The following ZNF551 variants were observed in gnomAD, a reference collection of about 807,000 sequenced individuals.
ZNF551 encodes zinc finger protein 551.
ZNF551 carries 5 observed loss-of-function variants against 7.9 expected under a neutral mutation model. The observed-to-expected ratio is 0.63, with a 90% confidence interval of 0.33 to 1.33. ZNF551 has a LOEUF of 1.33. ZNF551 is among the 40% of genes most tolerant of loss of function. The pLI is 0.05. For missense variants in ZNF551, 788 were observed against 825.2 expected, an observed-to-expected ratio of 0.95 and a Z score of 0.55; for synonymous variants, 287 against 277.3, an observed-to-expected ratio of 1.03 and a Z score of -0.35.
Position 57,686,706 on chromosome 19 carries a change from G to GT in ZNF551, c.432dup (p.Ala145CysfsTer2). 1 of 1,614,208 alleles carries GT rather than the reference G, an allele frequency of 6.2e-7. No homozygotes were observed. The highest frequency in any genetic ancestry group is 8.5e-7 in the Non-Finnish European group (1 of 1,180,046). On this transcript the variant is annotated frameshift_variant, in exon 3 of 3. Coordinates refer to ENST00000282296, the MANE Select transcript of ZNF551 (RefSeq NM_138347.5). LOFTEE classifies it low-confidence loss of function (END_TRUNC). ...ACAAGCATGAGAGGCTTCTGCTTCAGTGCTGACCTTCACCAGCATCAAAAG... is the reference window on the plus strand; with the variant it reads ...ACAAGCATGAGAGGCTTCTGCTTCAGTTGCTGACCTTCACCAGCATCAAAAG...
At chr19:57,686,422 A>T in intron 2 of ZNF551, 59 bp from the exon 3 acceptor site, 2 of 1,566,700 alleles carry the variant, frequency 1.3e-6, no homozygotes, top group Admixed American at 1.8e-5. Flanking sequence ...TTTTTGTGAT[A>T]CATCTTTCTC....
In ZNF551 at chr19:57,685,783, G is replaced by C. The variant is rs146281047; in HGVS notation, c.205+398G>C. On this transcript the variant is annotated intron_variant, in intron 2 of 2. Coordinates refer to ENST00000282296, the MANE Select transcript of ZNF551 (RefSeq NM_138347.5). ...GAGAGCCCTAGTTGCTTCACAGAGT[G>C]AACAAAGCAAGATGGTCTCAGAGGA... Among the ~76,000 whole-genome samples, 14 of 152,236 alleles carry C rather than the reference G, an allele frequency of 9.2e-5. No individual in the cohort carries two copies. In the East Asian group the frequency reaches 2.7e-3, roughly 29 times the overall value.
In ZNF551 at chr19:57,682,141, G is replaced by A. The variant is rs1160732776; in HGVS notation, c.-23G>A. The A allele has an allele frequency of 1.3e-6, 2 of 1,539,902 alleles. No individual in the cohort carries two copies. The highest frequency in any genetic ancestry group is 1.8e-6 in the Non-Finnish European group (2 of 1,141,856). Reference sequence around the variant, plus strand: ...ACCTCGGGTGAGCTGCGCCAGGCCCGGGATAGGGACTGTTGTGTTCGAATG... The same window carrying A: ...ACCTCGGGTGAGCTGCGCCAGGCCCAGGATAGGGACTGTTGTGTTCGAATG... On this transcript the variant is annotated 5_prime_UTR_variant, in exon 1 of 3. Transcript: ENST00000282296.
chr19:57,682,185 C>A lies in ZNF551; in HGVS notation c.22C>A (p.Arg8Ser). 6.5e-7 allele frequency: 1 copy of A among 1,549,594 alleles called. No individual in the cohort carries two copies. Among genetic ancestry groups the A allele is most frequent in the Non-Finnish European group, 8.7e-7 (1 of 1,146,832 alleles). The change falls in exon 1 of 3, where the codon CGC (arginine) becomes AGC (serine). Residue 8 changes from arginine (R) to serine (S), a missense_variant. Arg to Ser is a moderately radical substitution (Grantham distance 110, BLOSUM62 -1). Transcript: ENST00000282296. ...TCGAATGCCCGCCCCGGTCGGCCGC[C>A]GCTCCCCGCCTAGTCCACGGAGCTC... MPAPVGR[R>S]SPPSPRSSMA...
At position 57,688,697 on chromosome 19, in the gene ZNF551, ATC is replaced by A. The variant is rs1323675364; in HGVS notation, c.*411_*412del. On this transcript the variant is annotated 3_prime_UTR_variant, in exon 3 of 3. Transcript: ENST00000282296. The stretch of plus-strand genomic sequence containing the variant: ...ACCTGACCCAGTTGTGGTCCAGAGA[ATC>A]TGAGTTGTGCTGTCAGCTTTCTAAG... The A allele has an allele frequency of 5.8e-6, 1 of 173,862 alleles. No individual in the cohort carries two copies. Among genetic ancestry groups the A allele is most frequent in the African/African-American group, 2.4e-5 (1 of 42,226 alleles). The allele number at this position is 173,862 out of a possible 1,614,324, so 10.8% of individuals were successfully genotyped here.
rs771960435 is a variant in ZNF551 at position 57,682,258 on chromosome 19, C to T, written c.81+14C>T. The T allele has an allele frequency of 3.2e-6, 5 of 1,549,266 alleles. No individual in the cohort carries two copies. The highest frequency in any genetic ancestry group is 1.2e-5 in the South Asian group (1 of 83,964). ...GACTCGGCTCAGGTGAGTTGTGCGT[C>T]CTCCGGGTCTCGCCTACCTCCCCCA... On this transcript the variant is annotated intron_variant, in intron 1 of 2. Transcript: ENST00000282296.
Position 57,682,264 on chromosome 19 carries a change from G to A in ZNF551, c.81+20G>A, listed in dbSNP as rs1201472207. ...GCTCAGGTGAGTTGTGCGTCCTCCG[G>A]GTCTCGCCTACCTCCCCCAGCAGAA... On this transcript the variant is annotated intron_variant, in intron 1 of 2. Coordinates refer to ENST00000282296, the MANE Select transcript of ZNF551 (RefSeq NM_138347.5). 1.9e-6 allele frequency: 3 copies of A among 1,548,722 alleles called. No individual in the cohort carries two copies. Among genetic ancestry groups the A allele is most frequent in the Non-Finnish European group, 2.6e-6 (3 of 1,145,816 alleles).
At chr19:57,683,833 TAGAC>T (rs1248202312) in intron 1 of ZNF551, among the ~76,000 whole-genome samples, 2 of 151,968 alleles carry the variant, frequency 1.3e-5, no homozygotes, top group African/African-American at 4.8e-5. Flanking sequence ...GCATAGGAGT[TAGAC>T]AGGATGATGC....
Position 57,685,356 on chromosome 19 carries a change from T to A in ZNF551, c.176T>A (p.Leu59Gln), listed in dbSNP as rs765367524. 4.9e-5 allele frequency: 79 copies of A among 1,614,048 alleles called. No individual in the cohort carries two copies. The highest frequency in any genetic ancestry group is 6.6e-5 in the Non-Finnish European group (78 of 1,179,996). ...SQRFLYCDVM[L>Q]ENFAHVTSLG... ...AGGTTCCTGTACTGCGATGTGATGC[T>A]GGAGAACTTTGCACATGTAACATCC... Residue 59 changes from leucine to glutamine, a missense_variant, in exon 2 of 3, where the codon CTG becomes CAG. Physicochemically the swap from Leu to Gln is moderately radical, Grantham distance 113 (BLOSUM62 -2). Transcript: ENST00000282296.
chr19:57,687,220 C>G lies in ZNF551; in HGVS notation c.945C>G (p.Ala315=). Reference sequence around the variant, plus strand: ...ATGAATGCAGTGATCGTGAGAAAGCCTTTATCCATAAATCTGAATTCATTC... The same window carrying G: ...ATGAATGCAGTGATCGTGAGAAAGCGTTTATCCATAAATCTGAATTCATTC... The part of the protein sequence containing the change: ...RPYECSDREK[A]FIHKSEFIHH... Residue 315 remains alanine, a synonymous_variant, in exon 3 of 3, where the codon GCC becomes GCG. Coordinates refer to ENST00000282296, the MANE Select transcript of ZNF551 (RefSeq NM_138347.5). 3.7e-6 allele frequency: 6 copies of G among 1,614,046 alleles called. No individual in the cohort carries two copies. Among genetic ancestry groups the G allele is most frequent in the Non-Finnish European group, 5.1e-6 (6 of 1,179,998 alleles).
At position 57,685,280 on chromosome 19, in the gene ZNF551, G is replaced by C. The variant is rs1312524925; in HGVS notation, c.100G>C (p.Val34Leu). 3.1e-6 allele frequency: 5 copies of C among 1,614,108 alleles called. No homozygotes were observed. The highest frequency in any genetic ancestry group is 4.2e-6 in the Non-Finnish European group (5 of 1,179,986). Residue 34 changes from valine to leucine, a missense_variant, in exon 2 of 3, where the codon GTG becomes CTG. Coordinates refer to ENST00000282296, the MANE Select transcript of ZNF551 (RefSeq NM_138347.5). ...GTGACAGGGTATGACCTTTGAGGATGTGGCCATTTATTTCTCCCAAGAAGA... is the reference window on the plus strand; with the variant it reads ...GTGACAGGGTATGACCTTTGAGGATCTGGCCATTTATTTCTCCCAAGAAGA... Reference protein sequence around the residue: ...DSAQGMTFEDVAIYFSQEEWE... With the variant: ...DSAQGMTFEDLAIYFSQEEWE...
At position 57,687,083 on chromosome 19, in the gene ZNF551, C is replaced by G. The variant is rs1219184038; in HGVS notation, c.808C>G (p.Gln270Glu). 2 of 1,614,220 alleles carry G rather than the reference C, an allele frequency of 1.2e-6. No individual in the cohort carries two copies. The highest frequency in any genetic ancestry group is 2.2e-5 in the South Asian group (2 of 91,082). The change falls in exon 3 of 3, where the codon CAG becomes GAG. Residue 270 changes from glutamine (Q) to glutamate (E), a missense_variant. Physicochemically the swap from Gln to Glu is conservative, Grantham distance 29. Coordinates refer to ENST00000282296, the MANE Select transcript of ZNF551 (RefSeq NM_138347.5). ...FTCKNTLVQH[Q>E]QIHTGQKMFE... ...TTGCAAGAACACACTTGTTCAGCAC[C>G]AGCAAATTCACACTGGACAAAAGAT...
Position 57,686,523 on chromosome 19 carries a change from A to G in ZNF551, c.248A>G (p.Gln83Arg), listed in dbSNP as rs148726000. The change falls in exon 3 of 3, where the codon CAG (glutamine) becomes CGG (arginine). Residue 83 changes from glutamine to arginine, a missense_variant. By Grantham distance (43) the Gln-to-Arg change is conservative. Transcript: ENST00000282296. ...GAGAATGAGGCGATAGCTTCTGAGC[A>G]GAGTGTATCTATACAGGTCAGGACT... Reference protein sequence around the residue: ...GMENEAIASEQSVSIQVRTSK... With the variant: ...GMENEAIASERSVSIQVRTSK... The G allele has an allele frequency of 1.2e-6, 2 of 1,613,820 alleles. No homozygotes were observed. Among genetic ancestry groups the G allele is most frequent in the Non-Finnish European group, 1.7e-6 (2 of 1,179,812 alleles).
chr19:57,687,696 C>T lies in ZNF551; in HGVS notation c.1421C>T (p.Pro474Leu), dbSNP rs1984621327. 1.2e-6 allele frequency: 2 copies of T among 1,614,124 alleles called. No individual in the cohort carries two copies. Among genetic ancestry groups the T allele is most frequent in the Non-Finnish European group, 1.7e-6 (2 of 1,180,022 alleles). Reference sequence around the variant, plus strand: ...CGCAGCATTCACACTGGTGATAGGCCTTATGAGTGCAGTGAATGTGAGAAA... The same window carrying T: ...CGCAGCATTCACACTGGTGATAGGCTTTATGAGTGCAGTGAATGTGAGAAA... ...RHRSIHTGDR[P>L]YECSECEKSF... Residue 474 changes from proline (P) to leucine (L), a missense_variant, in exon 3 of 3, where the codon CCT becomes CTT. By Grantham distance (98) the Pro-to-Leu change is moderately conservative. Transcript: ENST00000282296.
Position 57,684,996 on chromosome 19 carries a change from C to T in ZNF551, c.82-266C>T, listed in dbSNP as rs148514117. 2.2e-3 allele frequency among the ~76,000 whole-genome samples: 329 copies of T among 152,276 alleles called. 6 individuals are homozygous for T. Among genetic ancestry groups the T allele is most frequent in the African/African-American group, 7.6e-3 (316 of 41,546 alleles). On this transcript the variant is annotated intron_variant, in intron 1 of 2. Coordinates refer to ENST00000282296, the MANE Select transcript of ZNF551 (RefSeq NM_138347.5). The stretch of plus-strand genomic sequence containing the variant: ...ACACCCTGTCTATGGCCAGTTCTCT[C>T]TCTAGCTGGTGTTTGTGAGTAACGA...
chr19:57,682,917 T>C (rs1984436755), intron 1 of ZNF551, among the ~76,000 whole-genome samples: 1 of 152,168 alleles, frequency 6.6e-6, no homozygotes. Context: ...ATGTAGAAGG[T>C]TGTCCAAGGC....
Position 57,687,715 on chromosome 19 carries a change from T to G in ZNF551, c.1440T>G (p.Cys480Trp), listed in dbSNP as rs765028738. The G allele has an allele frequency of 6.2e-7, 1 of 1,614,174 alleles. No individual in the cohort carries two copies. Among genetic ancestry groups the G allele is most frequent in the South Asian group, 1.1e-5 (1 of 91,084 alleles). Residue 480 changes from cysteine (C) to tryptophan (W), a missense_variant, in exon 3 of 3, where the codon TGT (cysteine) becomes TGG (tryptophan). Coordinates refer to ENST00000282296, the MANE Select transcript of ZNF551 (RefSeq NM_138347.5). ...TGDRPYECSE[C>W]EKSFSRKFIL... ...ATAGGCCTTATGAGTGCAGTGAATG[T>G]GAGAAATCCTTTAGCCGCAAATTTA...
At chr19:57,685,212 A>T (rs1393442658) in intron 1 of ZNF551, 50 bp from the exon 2 acceptor site, 1 of 1,602,894 alleles carries the variant, frequency 6.2e-7, no homozygotes, top group Non-Finnish European at 8.5e-7. Flanking sequence ...GGGCAAGAGG[A>T]TAATGAACTC....
rs780000713 is a variant in ZNF551 at position 57,687,052 on chromosome 19, C to T, written c.777C>T (p.Ala259=). The change falls in exon 3 of 3, where the codon GCC becomes GCT. Residue 259 remains alanine (A), a synonymous_variant. Transcript: ENST00000282296. The part of the protein sequence containing the change: ...GLYECSKCEK[A]FTCKNTLVQH... ...ATGAGTGTAGCAAATGTGAGAAAGC[C>T]TTCACTTGCAAGAACACACTTGTTC... The T allele has an allele frequency of 5.6e-6, 9 of 1,614,070 alleles. No individual in the cohort carries two copies. Among genetic ancestry groups the T allele is most frequent in the African/African-American group, 1.3e-5 (1 of 74,902 alleles).
Sources: allele counts gnomAD v4.1 joint callset (sites outside exome capture counted in the v4.1 genomes callset), GRCh38; gene constraint gnomAD v4.1.1; transcripts MANE v1.5; gene names NCBI Gene and HGNC (gene_info 2026-07-23, HGNC 2026-07-21).